Variants in LAMTOR3 observed in about 807,000 individuals in gnomAD.
LAMTOR3 encodes late endosomal/lysosomal adaptor, MAPK and MTOR activator 3.
LAMTOR3 carries 14 observed loss-of-function variants against 20.3 expected under a neutral mutation model. The observed-to-expected ratio is 0.69, with a 90% CI of 0.46 to 1.08. LAMTOR3 has a LOEUF of 1.08. LAMTOR3 is among the 50% of genes least tolerant of loss of function. The probability of loss-of-function intolerance (pLI) is 0.00; values close to 1 mark genes in which losing one functional copy is unlikely to be tolerated. For missense variants in LAMTOR3, 125 were observed against 143.7 expected (o/e 0.87, Z 0.67); for synonymous variants, 40 against 49.4 (o/e 0.81, Z 0.80).
rs575111084 is a variant in LAMTOR3, at chr4:99,886,918, A to ATGTATGTATATATGTGGGTG, written c.103+377_103+378insCACCCACATATATACATACA. Reference sequence around the variant, plus strand: ...CAATTTGATAAAATGTGTGTGTGGTATGTATATATATACACACACACATAT... The same window carrying ATGTATGTATATATGTGGGTG: ...CAATTTGATAAAATGTGTGTGTGGTATGTATGTATATATGTGGGTGTGTATATATATACACACACACATAT... On this transcript the variant is annotated intron_variant, in intron 4 of 6. Transcript: ENST00000499666. Among the ~76,000 whole-genome samples, 485 of 142,078 alleles carry ATGTATGTATATATGTGGGTG rather than the reference A, an allele frequency of 3.4e-3. 4 individuals carry two copies. The highest frequency in any genetic ancestry group is 0.011 in the African/African-American group (468 of 40,748). 93.2% of individuals were successfully genotyped at this position (142,078 alleles called of 152,430 possible). A position where few individuals can be genotyped will look rare whatever the true frequency, so the allele number is the denominator to read the frequency against.
chr4:99,893,343 C>T (rs958005309), intron 2 of LAMTOR3, among the ~76,000 whole-genome samples: 1 of 152,144 alleles, frequency 6.6e-6, no homozygotes, highest in Non-Finnish European at 1.5e-5. Flanking sequence ...TCATTACACT[C>T]TCTTATCCCA....
chr4:99,888,885 T>C (rs188400460), intron 3 of LAMTOR3, among the ~76,000 whole-genome samples: 15 of 152,348 alleles, frequency 9.8e-5, no homozygotes, highest in South Asian at 2.1e-4. Flanking sequence ...AACTTATTTA[T>C]AGATTAAAAT....
chr4:99,885,729 T>C (rs578156182), intron 4 of LAMTOR3, 54 bp from the exon 5 acceptor site: 2 of 1,428,964 alleles, frequency 1.4e-6, no homozygotes, highest in South Asian at 2.5e-5. Context: ...GGTAGAGAGA[T>C]TTACAGCCCT....
chr4:99,884,430 A>C (rs544332397), intron 5 of LAMTOR3, among the ~76,000 whole-genome samples: 1 of 152,190 alleles, frequency 6.6e-6, no homozygotes, highest in Non-Finnish European at 1.5e-5. Flanking sequence ...AGGACTTAAT[A>C]AATAGTTGAT....
intron 3 of LAMTOR3, among the ~76,000 whole-genome samples, 169 bp from the exon 4 acceptor site, chr4:99,887,523 ATG>A (rs537669192): frequency 2.9e-3 from 441 of 152,310 alleles, no homozygotes; most frequent in Non-Finnish European, 4.9e-3. Flanking sequence ...AATTGAATCA[ATG>A]TGTATTATAG....
rs186894333 is a variant in LAMTOR3 at position 99,879,043 on chromosome 4, A to G, written c.*2951T>C. On this transcript the variant is annotated 3_prime_UTR_variant, in exon 7 of 7. Coordinates refer to ENST00000499666, the MANE Select transcript of LAMTOR3 (RefSeq NM_021970.4). ...TTATGTATATGAATTTAAAAGTTTCACAGACTGCCAATTGCTGTACATAAA... is the reference window on the plus strand; with the variant it reads ...TTATGTATATGAATTTAAAAGTTTCGCAGACTGCCAATTGCTGTACATAAA... 9.2e-5 allele frequency: 14 copies of G among 152,330 alleles called. No individual in the cohort carries two copies. The highest frequency in any genetic ancestry group is 3.1e-4 in the African/African-American group (13 of 41,586). 9.4% of individuals were successfully genotyped at this position (152,330 alleles called of 1,614,324 possible).
At chr4:99,891,964 T>C (rs759965989) in intron 3 of LAMTOR3, 36 bp downstream of exon 3, 9 of 1,559,218 alleles carry the variant, frequency 5.8e-6, no homozygotes, top group Non-Finnish European at 6.9e-6. Context: ...ATATGGCATA[T>C]AGAATTTATT....
intron 6 of LAMTOR3, among the ~76,000 whole-genome samples, chr4:99,883,673 C>T (rs188804074): frequency 3.3e-5 from 5 of 151,500 alleles, no homozygotes; most frequent in Admixed American, 2.0e-4. Context: ...TGTAACTCAT[C>T]GATCATTTTA....
At position 99,880,597 on chromosome 4, in the gene LAMTOR3, TA is replaced by T. The variant is rs924677287; in HGVS notation, c.*1396del. ...GGCAACACAGCAAGACTCTGTCTCT[TA>T]AAAAAAAAAAGAAAGAAAGAAAAAG... On this transcript the variant is annotated 3_prime_UTR_variant, in exon 7 of 7. Coordinates refer to ENST00000499666, the MANE Select transcript of LAMTOR3 (RefSeq NM_021970.4). 209 of 144,904 alleles carry T rather than the reference TA, an allele frequency of 1.4e-3. No individual in the cohort carries two copies. Among genetic ancestry groups the T allele is most frequent in the Non-Finnish European group, 1.4e-3 (94 of 65,918 alleles). The allele number at this position is 144,904 out of a possible 1,614,324, so 9.0% of individuals were successfully genotyped here.
At position 99,884,625 on chromosome 4, in the gene LAMTOR3, G is replaced by A. The variant is rs190210334; in HGVS notation, c.238-500C>T. Among the ~76,000 whole-genome samples the A allele has an allele frequency of 7.9e-5, 12 of 152,200 alleles. No homozygotes were observed. The South Asian group carries it at 8.3e-4, about 11-fold the overall frequency. On this transcript the variant is annotated intron_variant, in intron 5 of 6. Coordinates refer to ENST00000499666, the MANE Select transcript of LAMTOR3 (RefSeq NM_021970.4). ...TATTGATGAAATTAAAGGTCAGATG[G>A]TTTGGTTATCTTTTACTTAATACAC... is the stretch of plus-strand genomic sequence containing the variant.
At position 99,885,444 on chromosome 4, in the gene LAMTOR3, A is replaced by G. The variant is rs903864641; in HGVS notation, c.237+98T>C. ...ATTTTACAATTTCATCCTCTTCAAAACTAAAATTGAGAACTATAACACAAA... is the reference window on the plus strand; with the variant it reads ...ATTTTACAATTTCATCCTCTTCAAAGCTAAAATTGAGAACTATAACACAAA... On this transcript the variant is annotated intron_variant, in intron 5 of 6. Coordinates refer to ENST00000499666, the MANE Select transcript of LAMTOR3 (RefSeq NM_021970.4). 7 of 1,085,552 alleles carry G rather than the reference A, an allele frequency of 6.4e-6. No individual in the cohort carries two copies. In the African/African-American group the frequency reaches 1.2e-4, roughly 18 times the overall value. 67.2% of individuals were successfully genotyped at this position (1,085,552 alleles called of 1,614,324 possible).
Position 99,879,003 on chromosome 4 carries a change from T to C in LAMTOR3, c.*2991A>G, listed in dbSNP as rs181511582. 1.3e-4 allele frequency: 20 copies of C among 152,276 alleles called. 1 individual carries two copies. Among genetic ancestry groups the C allele is most frequent in the Admixed American group, 1.2e-3 (18 of 15,304 alleles). The allele number at this position is 152,276 out of a possible 1,614,324, so 9.4% of individuals were successfully genotyped here. A position where few individuals can be genotyped will look rare whatever the true frequency, so the allele number is the denominator to read the frequency against. Reference sequence around the variant, plus strand: ...GTAGGATAAATTTCTAGAAGTGGAATTGCAGGGCAAAAGGTTATGTATATG... The same window carrying C: ...GTAGGATAAATTTCTAGAAGTGGAACTGCAGGGCAAAAGGTTATGTATATG... On this transcript the variant is annotated 3_prime_UTR_variant, in exon 7 of 7. Coordinates refer to ENST00000499666, the MANE Select transcript of LAMTOR3 (RefSeq NM_021970.4).
intron 5 of LAMTOR3, among the ~76,000 whole-genome samples, chr4:99,884,495 G>C (rs1302245249): frequency 6.6e-6 from 1 of 151,920 alleles, no homozygotes; most frequent in Admixed American, 6.6e-5. Flanking sequence ...TTATCTTCAT[G>C]ATATTTTCTG....
chr4:99,886,749 T>C (rs1022954917), intron 4 of LAMTOR3, among the ~76,000 whole-genome samples: 29 of 152,154 alleles, frequency 1.9e-4, no homozygotes, highest in Admixed American at 2.0e-4. Context: ...AAAGCCACTA[T>C]AGTGTCCCAA....
chr4:99,894,007 G>A lies in LAMTOR3; in HGVS notation c.-37-7C>T. The stretch of plus-strand genomic sequence containing the variant: ...GCAGGATCAATCTCCACGCCTGGAA[G>A]AGAAACTCCCGGTGACTCTTCCCTC... On this transcript the variant is annotated splice_polypyrimidine_tract_variant and splice_region_variant and intron_variant, in intron 1 of 6. Coordinates refer to ENST00000499666, the MANE Select transcript of LAMTOR3 (RefSeq NM_021970.4). 2 of 1,511,778 alleles carry A rather than the reference G, an allele frequency of 1.3e-6. No homozygotes were observed. The highest frequency in any genetic ancestry group is 1.8e-6 in the Non-Finnish European group (2 of 1,122,612). 93.6% of individuals were successfully genotyped at this position (1,511,778 alleles called of 1,614,324 possible).
intron 1 of LAMTOR3, 82 bp downstream of exon 1, chr4:99,894,253 G>A (rs1725080571): frequency 5.5e-6 from 2 of 364,078 alleles, no homozygotes; most frequent in South Asian, 1.4e-4. Flanking sequence ...AAGAAGAGAG[G>A]GTCCTCTCCT....
intron 6 of LAMTOR3, among the ~76,000 whole-genome samples, chr4:99,883,674 G>A (rs1454963982): frequency 1.3e-5 from 2 of 151,214 alleles, no homozygotes; most frequent in Admixed American, 6.6e-5. Context: ...GTAACTCATC[G>A]ATCATTTTAA....
In LAMTOR3 at chr4:99,892,004, G is replaced by A. The variant is rs751597249; in HGVS notation, c.40C>T (p.Pro14Ser). 6.4e-7 allele frequency: 1 copy of A among 1,566,534 alleles called. No individual in the cohort carries two copies. Among genetic ancestry groups the A allele is most frequent in the Non-Finnish European group, 8.6e-7 (1 of 1,163,326 alleles). ...AACAAATTAAAAATTTCTTACCTTG[G>A]TAACTTTTTATACAAGAATCGCTTT... ...DLKRFLYKKL[P>S]SVEGLHAIVV... The change falls in exon 3 of 7, where the codon CCA (proline) becomes TCA (serine). Residue 14 changes from proline to serine, a missense_variant. This residue lies in a region of LAMTOR3 where 99 missense variants were observed against 96.0 expected (regional missense o/e 1.03). Transcript: ENST00000499666.
rs1311323942 is a variant in LAMTOR3, at chr4:99,892,024, C to A, written c.20G>T (p.Arg7Leu). Residue 7 changes from arginine to leucine, a missense_variant, in exon 3 of 7, where the codon CGA becomes CTA. Physicochemically the swap from Arg to Leu is moderately radical, Grantham distance 102. Transcript: ENST00000499666. MADDLK[R>L]FLYKKLPSVE... Reference sequence around the variant, plus strand: ...CCTTGGTAACTTTTTATACAAGAATCGCTTTAGGTCCTGAAAGAGAGCATT... The same window carrying A: ...CCTTGGTAACTTTTTATACAAGAATAGCTTTAGGTCCTGAAAGAGAGCATT... 1.9e-6 allele frequency: 3 copies of A among 1,568,034 alleles called. No homozygotes were observed. The highest frequency in any genetic ancestry group is 1.4e-5 in the African/African-American group (1 of 71,418).
Sources: gnomAD v4.1 joint callset for allele counts (sites outside exome capture counted in the v4.1 genomes callset) on GRCh38, gnomAD v4.1.1 for gene constraint, gnomAD v4.1.1 regional missense constraint, MANE v1.5 for transcripts, NCBI Gene and HGNC (gene_info 2026-07-23, HGNC 2026-07-21) for gene names.